Variants in ERICH6B observed in about 807,000 individuals in gnomAD.
The protein encoded by ERICH6B is glutamate rich 6B, also known as glutamate-rich protein 6B.
Under a neutral mutation model 80.0 loss-of-function variants are expected in ERICH6B, and 69 were observed. The ratio of observed to expected loss-of-function variants is 0.86; its 90% CI spans 0.71 to 1.05. The LOEUF (loss-of-function observed/expected upper bound fraction) is 1.05. Ranked by LOEUF, ERICH6B falls within the 50% of genes least tolerant of loss-of-function variation. The probability of loss-of-function intolerance (pLI) is 0.00; values close to 1 mark genes in which losing one functional copy is unlikely to be tolerated. For synonymous variants in ERICH6B, 283 were observed against 291.9 expected (o/e 0.97, Z 0.31); for missense variants, 754 against 796.1 (o/e 0.95, Z 0.64).
At chr13:45,571,140 G>A (rs1875148456) in intron 8 of ERICH6B, among the ~76,000 whole-genome samples, 1 of 152,198 alleles carries the variant, frequency 6.6e-6, no homozygotes, top group Non-Finnish European at 1.5e-5. Flanking sequence ...AGCACCCTGA[G>A]CATTCAATGC....
At chr13:45,549,843 A>G (rs1195101380) in intron 13 of ERICH6B, 50 bp downstream of exon 13, 2 of 1,524,356 alleles carry the variant, frequency 1.3e-6, no homozygotes, top group African/African-American at 1.4e-5. Context: ...CGCTTTTTCC[A>G]GCTGCTTCTC....
At chr13:45,601,779 C>A (rs1459472589) in intron 2 of ERICH6B, among the ~76,000 whole-genome samples, 1 of 152,136 alleles carries the variant, frequency 6.6e-6, no homozygotes, top group East Asian at 1.9e-4. Flanking sequence ...TAAGACAAGC[C>A]TACAGGTGGA....
chr13:45,608,150 T>A (rs1162647168), intron 1 of ERICH6B, among the ~76,000 whole-genome samples: 4 of 152,118 alleles, frequency 2.6e-5, no homozygotes, highest in Non-Finnish European at 4.4e-5. Context: ...CAATGCCCAA[T>A]GGGTACACAC....
chr13:45,611,394 C>T (rs1306813785), intron 1 of ERICH6B, among the ~76,000 whole-genome samples: 1 of 152,136 alleles, frequency 6.6e-6, no homozygotes, highest in African/African-American at 2.4e-5. Flanking sequence ...CCCAAAGATA[C>T]AAGGCATTTG....
At chr13:45,603,167 CCCTT>C (rs1949836944) in intron 2 of ERICH6B, among the ~76,000 whole-genome samples, 1 of 152,140 alleles carries the variant, frequency 6.6e-6, no homozygotes, top group African/African-American at 2.4e-5. Context: ...AAAAAATTGT[CCCTT>C]CCTCCATGTT....
intron 5 of ERICH6B, 100 bp downstream of exon 5, chr13:45,586,963 G>T: frequency 8.0e-7 from 1 of 1,249,912 alleles, no homozygotes; most frequent in Non-Finnish European, 1.1e-6. Flanking sequence ...TAGCATGAAA[G>T]GCAATACTCG....
At chr13:45,575,424 G>A (rs1875357270) in intron 7 of ERICH6B, among the ~76,000 whole-genome samples, 1 of 152,184 alleles carries the variant, frequency 6.6e-6, no homozygotes, top group African/African-American at 2.4e-5. Context: ...AGGTCAGAGA[G>A]GAGTCGGGCG....
chr13:45,590,824 G>A, intron 3 of ERICH6B, 127 bp from the exon 4 acceptor site: 1 of 719,536 alleles, frequency 1.4e-6, no homozygotes, highest in Non-Finnish European at 2.2e-6. Context: ...CTTTTCTTTA[G>A]TATTGTCTCT....
At chr13:45,557,281 T>A (rs2137970727) in intron 11 of ERICH6B, among the ~76,000 whole-genome samples, 1 of 152,068 alleles carries the variant, frequency 6.6e-6, no homozygotes, top group South Asian at 2.1e-4. Context: ...TTGATGGGAT[T>A]TTTTTTTCTT....
chr13:45,602,417 A>G lies in ERICH6B; in HGVS notation c.-59+5147T>C, dbSNP rs1949832542. On this transcript the variant is annotated intron_variant, in intron 2 of 14. Coordinates refer to ENST00000298738, the MANE Select transcript of ERICH6B (RefSeq NM_182542.3). ...TGTGCTTTATAAAGCTCATCATTCA[A>G]TTTCCAGACAGCTGCAGTCCAGAAG... Among the ~76,000 whole-genome samples, 7 of 152,320 alleles carry G rather than the reference A, an allele frequency of 4.6e-5. 1 individual carries two copies. In the South Asian group the frequency reaches 1.5e-3, roughly 32 times the overall value.
intron 14 of ERICH6B, among the ~76,000 whole-genome samples, chr13:45,542,178 C>G (rs1169286299): frequency 2.0e-5 from 3 of 152,214 alleles, no homozygotes; most frequent in Non-Finnish European, 4.4e-5. Flanking sequence ...GGTCTGCAGC[C>G]TGCAGAAGAC....
chr13:45,594,460 A>G (rs1301558097), intron 3 of ERICH6B, among the ~76,000 whole-genome samples: 1 of 152,246 alleles, frequency 6.6e-6, no homozygotes, highest in Non-Finnish European at 1.5e-5. Context: ...CGTGCAAGAG[A>G]AAAAGCCCTG....
At chr13:45,583,039 A>T (rs1875739981) in intron 5 of ERICH6B, among the ~76,000 whole-genome samples, 1 of 152,180 alleles carries the variant, frequency 6.6e-6, no homozygotes, top group Admixed American at 6.5e-5. Context: ...AGTACGTACA[A>T]ATTCTGGAGT....
At chr13:45,551,129 A>G (rs1874207076) in intron 11 of ERICH6B, among the ~76,000 whole-genome samples, 1 of 152,172 alleles carries the variant, frequency 6.6e-6, no homozygotes, top group Non-Finnish European at 1.5e-5. Context: ...TGTTTTAAAG[A>G]GATCTCTGCT....
chr13:45,571,877 T>C (rs1464833713), intron 8 of ERICH6B, among the ~76,000 whole-genome samples: 1 of 152,122 alleles, frequency 6.6e-6, no homozygotes, highest in Non-Finnish European at 1.5e-5. Context: ...CATGGAGAGA[T>C]ACCTGGGCCA....
chr13:45,587,949 T>C (rs1241074963), intron 4 of ERICH6B, among the ~76,000 whole-genome samples: 1 of 152,180 alleles, frequency 6.6e-6, no homozygotes, highest in Non-Finnish European at 1.5e-5. Context: ...ATGCCTAACA[T>C]ATAAACAGGT....
At chr13:45,598,481 A>T (rs772356556) in intron 2 of ERICH6B, among the ~76,000 whole-genome samples, 3 of 152,106 alleles carry the variant, frequency 2.0e-5, no homozygotes, top group African/African-American at 7.2e-5. Context: ...AGAGATACAT[A>T]TCTTGGCCTG....
Position 45,551,596 on chromosome 13 carries a change from C to T in ERICH6B, c.1408-1280G>A, listed in dbSNP as rs546138676. The stretch of plus-strand genomic sequence containing the variant: ...ATTGAAAGCATTCAGGGTGATATGG[C>T]TGTAGATTTTTAAAATATGTGTTTA... On this transcript the variant is annotated intron_variant, in intron 11 of 14. Transcript: ENST00000298738. 3.9e-5 allele frequency: 6 copies of T among 152,264 alleles called. No individual in the cohort carries two copies. The East Asian group carries it at 1.2e-3, about 29-fold the overall frequency. The allele number at this position is 152,264 out of a possible 1,614,324, so 9.4% of individuals were successfully genotyped here.
chr13:45,549,980 A>G lies in ERICH6B; in HGVS notation c.1559T>C (p.Ile520Thr). Residue 520 changes from isoleucine to threonine, a missense_variant, in exon 13 of 15, where the codon ATT becomes ACT. By Grantham distance (89) the Ile-to-Thr change is moderately conservative. Coordinates refer to ENST00000298738, the MANE Select transcript of ERICH6B (RefSeq NM_182542.3). ...CCTCCCTTCTAGACTGTCTTCCAGA[A>G]TGATGTATGTGAACTTTTTCATTTT... ...YAKMKKFTYI[I>T]LEDSLEGRIR... 1.9e-6 allele frequency: 3 copies of G among 1,551,864 alleles called. No homozygotes were observed. Among genetic ancestry groups the G allele is most frequent in the Non-Finnish European group, 2.6e-6 (3 of 1,147,036 alleles).
Sources: allele counts gnomAD v4.1 joint callset (sites outside exome capture counted in the v4.1 genomes callset), GRCh38; gene constraint gnomAD v4.1.1; transcripts MANE v1.5; gene names NCBI Gene and HGNC (gene_info 2026-07-23, HGNC 2026-07-21).